Variants in ELP4 observed in about 807,000 individuals in gnomAD.
ELP4 encodes elongator complex protein 4.
A neutral mutation model predicts 48.9 loss-of-function variants in ELP4; 51 were observed. That is an observed-to-expected ratio of 1.04 (90% confidence interval 0.83 to 1.32). ELP4 has a LOEUF of 1.32. Among genes scored for constraint, ELP4 ranks in the 40% most tolerant of loss-of-function variants. The pLI, the probability that ELP4 is intolerant of heterozygous loss-of-function variation, is 0.00. For synonymous variants in ELP4, 210 were observed against 189.2 expected (o/e 1.11, Z -0.90); for missense variants, 519 against 514.6 (o/e 1.01, Z -0.08).
At chr11:31,710,732 G>A (rs1309319467) in intron 9 of ELP4, among the ~76,000 whole-genome samples, 1 of 152,088 alleles carries the variant, frequency 6.6e-6, no homozygotes, top group Non-Finnish European at 1.5e-5. Flanking sequence ...AATGGACTTT[G>A]GATACCTCTT....
intron 3 of ELP4, among the ~76,000 whole-genome samples, chr11:31,560,624 A>C (rs890057250): frequency 1.3e-5 from 2 of 150,686 alleles, no homozygotes; most frequent in Non-Finnish European, 3.0e-5. Flanking sequence ...GGAAAAGTCT[A>C]TCCACTTTTT....
At chr11:31,559,107 C>T (rs1235412223) in intron 3 of ELP4, among the ~76,000 whole-genome samples, 1 of 152,104 alleles carries the variant, frequency 6.6e-6, no homozygotes, top group African/African-American at 2.4e-5. Flanking sequence ...AAAAAGGCAG[C>T]ACACTGTCAA....
intron 9 of ELP4, among the ~76,000 whole-genome samples, chr11:31,729,538 T>C (rs1194695718): frequency 6.6e-6 from 1 of 152,240 alleles, no homozygotes; most frequent in Non-Finnish European, 1.5e-5. Context: ...ACATTTTTGT[T>C]GTTAAACGCT....
intron 9 of ELP4, among the ~76,000 whole-genome samples, chr11:31,668,799 T>C (rs1230638282): frequency 1.3e-5 from 2 of 151,966 alleles, no homozygotes; most frequent in East Asian, 3.9e-4. Context: ...GTTTCTTATT[T>C]TGATATACAT....
intron 6 of ELP4, among the ~76,000 whole-genome samples, chr11:31,630,415 G>T (rs1236666628): frequency 6.6e-6 from 1 of 150,528 alleles, no homozygotes; most frequent in Non-Finnish European, 1.5e-5. Flanking sequence ...TGCAACCTCC[G>T]CCTCCCAGGT....
intron 3 of ELP4, among the ~76,000 whole-genome samples, chr11:31,588,737 CTT>C (rs1206920655): frequency 6.6e-6 from 1 of 152,154 alleles, no homozygotes; most frequent in East Asian, 1.9e-4. Context: ...AATCCCAACA[CTT>C]TGGGAGGCTA....
intron 3 of ELP4, among the ~76,000 whole-genome samples, chr11:31,553,676 C>A (rs1389146458): frequency 6.7e-6 from 1 of 149,614 alleles, no homozygotes; most frequent in Non-Finnish European, 1.5e-5. Context: ...TTGCCCACAT[C>A]TATAATTATA....
chr11:31,790,287 A>C lies in ELP4; in HGVS notation c.*6763A>C. 1 of 577,808 alleles carries C rather than the reference A, an allele frequency of 1.7e-6. No homozygotes were observed. Among genetic ancestry groups the C allele is most frequent in the Non-Finnish European group, 2.7e-6 (1 of 371,992 alleles). The allele number at this position is 577,808 out of a possible 1,614,324, so 35.8% of individuals were successfully genotyped here. On this transcript the variant is annotated 3_prime_UTR_variant, in exon 10 of 10. Coordinates refer to ENST00000640961, the MANE Select transcript of ELP4 (RefSeq NM_019040.5). ...AAAAAAAAATCCTCTGTTTGTTTGC[A>C]TGTTTGGAACTTTTACAATAAAGCT... is the stretch of plus-strand genomic sequence containing the variant.
Position 31,689,631 on chromosome 11 carries a change from G to A in ELP4, c.1143+39410G>A, listed in dbSNP as rs144734545. ...CTGCCCAACTCCTTGCTTATGATAG[G>A]AAGTCTGTGGCCACTGACTTCCCAT... is the stretch of plus-strand genomic sequence containing the variant. On this transcript the variant is annotated intron_variant, in intron 9 of 9. Coordinates refer to ENST00000640961, the MANE Select transcript of ELP4 (RefSeq NM_019040.5). 1.6e-3 allele frequency among the ~76,000 whole-genome samples: 245 copies of A among 152,106 alleles called. 1 individual carries two copies. The highest frequency in any genetic ancestry group is 2.0e-3 in the Non-Finnish European group (136 of 68,002).
At chr11:31,576,067 A>G (rs1957271836) in intron 3 of ELP4, among the ~76,000 whole-genome samples, 1 of 152,236 alleles carries the variant, frequency 6.6e-6, no homozygotes, top group Non-Finnish European at 1.5e-5. Context: ...AGAGACACAC[A>G]TAGGCTCAAA....
At position 31,582,895 on chromosome 11, in the gene ELP4, C is replaced by T. The variant is rs534314179; in HGVS notation, c.382-11875C>T. Reference sequence around the variant, plus strand: ...CAGTGGGAGGCAACTGTGGTGGGGGCGGGGTGGGGGACAGTGGAAGGGAAG... The same window carrying T: ...CAGTGGGAGGCAACTGTGGTGGGGGTGGGGTGGGGGACAGTGGAAGGGAAG... On this transcript the variant is annotated intron_variant, in intron 3 of 9. Transcript: ENST00000640961. 1.3e-4 allele frequency among the ~76,000 whole-genome samples: 19 copies of T among 141,894 alleles called. No homozygotes were observed. The South Asian group carries it at 2.4e-3, about 18-fold the overall frequency. 93.1% of individuals were successfully genotyped at this position (141,894 alleles called of 152,430 possible). A position where few individuals can be genotyped will look rare whatever the true frequency, so the allele number is the denominator to read the frequency against.
intron 9 of ELP4, among the ~76,000 whole-genome samples, chr11:31,702,087 T>A (rs919639526): frequency 6.6e-6 from 1 of 152,140 alleles, no homozygotes; most frequent in Non-Finnish European, 1.5e-5. Flanking sequence ...TGTATATGTT[T>A]ACACATGTTG....
At chr11:31,730,970 G>GA (rs879362700) in intron 9 of ELP4, among the ~76,000 whole-genome samples, 92 of 141,478 alleles carry the variant, frequency 6.5e-4, no homozygotes, top group South Asian at 1.3e-3. Flanking sequence ...ACAAGCTCCT[G>GA]AAAAAAAAAA....
chr11:31,621,159 G>A (rs1199916092), intron 5 of ELP4, among the ~76,000 whole-genome samples: 2 of 151,944 alleles, frequency 1.3e-5, no homozygotes, highest in South Asian at 2.1e-4. Flanking sequence ...CCTTACAAGG[G>A]TATCTCACTA....
At chr11:31,664,666 A>G (rs754019471) in intron 9 of ELP4, among the ~76,000 whole-genome samples, 45 of 152,166 alleles carry the variant, frequency 3.0e-4, no homozygotes, top group Non-Finnish European at 5.7e-4. Flanking sequence ...ATAGTCCCAT[A>G]AAACTAAATT....
chr11:31,629,180 T>C (rs1262858531), intron 6 of ELP4, among the ~76,000 whole-genome samples: 2 of 152,018 alleles, frequency 1.3e-5, no homozygotes, highest in South Asian at 2.1e-4. Flanking sequence ...TTTTTAAATA[T>C]CTTAGAAATA....
intron 1 of ELP4, among the ~76,000 whole-genome samples, chr11:31,512,792 C>T (rs1956032950): frequency 7.2e-6 from 1 of 138,106 alleles, no homozygotes; most frequent in South Asian, 2.5e-4. Flanking sequence ...CTGCCCTCCG[C>T]CCCCCCTCCC....
At chr11:31,667,930 A>G (rs1456289443) in intron 9 of ELP4, among the ~76,000 whole-genome samples, 1 of 152,178 alleles carries the variant, frequency 6.6e-6, no homozygotes, top group Non-Finnish European at 1.5e-5. Flanking sequence ...TAATTATCTG[A>G]TCATTAAGTC....
In ELP4 at chr11:31,548,748, A is replaced by T. The variant is rs952970106; in HGVS notation, c.381+8965A>T. Among the ~76,000 whole-genome samples, 669 of 152,324 alleles carry T rather than the reference A, an allele frequency of 4.4e-3. 4 individuals are homozygous for T. Among genetic ancestry groups the T allele is most frequent in the Non-Finnish European group, 6.6e-3 (450 of 68,026 alleles). ...TGACTTCAAACTATACTACAAGGCT[A>T]CAGTAACCAAAACAGCATGGTACTG... On this transcript the variant is annotated intron_variant, in intron 3 of 9. Transcript: ENST00000640961.
Sources: gnomAD v4.1 joint callset for allele counts (sites outside exome capture counted in the v4.1 genomes callset) on GRCh38, gnomAD v4.1.1 for gene constraint, MANE v1.5 for transcripts, NCBI Gene and HGNC (gene_info 2026-07-23, HGNC 2026-07-21) for gene names.